Variants in GIPC2 observed in about 807,000 individuals in gnomAD.
GIPC2 encodes the protein GIPC PDZ domain containing family member 2.
A neutral mutation model predicts 30.6 loss-of-function variants in GIPC2; 30 were observed. That is an observed-to-expected ratio of 0.98 (90% CI 0.73 to 1.33). The LOEUF (loss-of-function observed/expected upper bound fraction) is 1.33. GIPC2 is among the 40% of genes most tolerant of loss of function. GIPC2 has a pLI of 0.00. For missense variants in GIPC2, 414 were observed against 390.3 expected (o/e 1.06, Z -0.51); for synonymous variants, 167 against 150.0 (o/e 1.11, Z -0.83).
intron 2 of GIPC2, among the ~76,000 whole-genome samples, chr1:78,092,976 G>A (rs757214964): frequency 6.6e-6 from 1 of 152,240 alleles, no homozygotes; most frequent in African/African-American, 2.4e-5. Flanking sequence ...GTGAGATTCA[G>A]GTGTGTCTTC....
chr1:78,061,333 C>T (rs1402652178), intron 1 of GIPC2, among the ~76,000 whole-genome samples: 2 of 152,160 alleles, frequency 1.3e-5, no homozygotes, highest in African/African-American at 4.8e-5. Flanking sequence ...CACTGCTTGT[C>T]TGAATTGGGA....
chr1:78,098,049 G>T (rs927542334), intron 3 of GIPC2, among the ~76,000 whole-genome samples: 1 of 152,112 alleles, frequency 6.6e-6, no homozygotes, highest in African/African-American at 2.4e-5. Context: ...TTTCTTCTAA[G>T]CTGTTATATC....
At chr1:78,129,664 T>C (rs997969045) in intron 5 of GIPC2, among the ~76,000 whole-genome samples, 1 of 152,202 alleles carries the variant, frequency 6.6e-6, no homozygotes, top group African/African-American at 2.4e-5. Flanking sequence ...AGTGTCAACA[T>C]GGGTCACCTT....
At chr1:78,096,075 T>C (rs1034786116) in intron 3 of GIPC2, among the ~76,000 whole-genome samples, 8 of 152,200 alleles carry the variant, frequency 5.3e-5, no homozygotes, top group African/African-American at 1.9e-4. Context: ...TCTGCACCAT[T>C]TAACAGAAAT....
chr1:78,062,161 A>T (rs1661406012), intron 1 of GIPC2, among the ~76,000 whole-genome samples: 1 of 152,246 alleles, frequency 6.6e-6, no homozygotes, highest in Non-Finnish European at 1.5e-5. Flanking sequence ...AAGTTGAGGA[A>T]ATGATAACTG....
At chr1:78,071,573 CTTTCTTCTTCTTTTG>C (rs1224708950) in intron 1 of GIPC2, among the ~76,000 whole-genome samples, 46 of 146,232 alleles carry the variant, frequency 3.1e-4, no homozygotes, top group Admixed American at 1.7e-3. Context: ...TCTTCTTCTT[CTTTCTTCTTCTTTTG>C]TTTCTTCTTC....
At chr1:78,085,844 TCTAA>T (rs974849276) in intron 2 of GIPC2, among the ~76,000 whole-genome samples, 4 of 151,834 alleles carry the variant, frequency 2.6e-5, no homozygotes, top group Non-Finnish European at 4.4e-5. Context: ...GGCCTGTCTA[TCTAA>T]CTAATTTTTT....
chr1:78,101,106 A>G (rs372103508), intron 3 of GIPC2, among the ~76,000 whole-genome samples: 10 of 152,268 alleles, frequency 6.6e-5, no homozygotes, highest in African/African-American at 2.4e-4. Context: ...TAAAAGGACC[A>G]AAAACAGAGC....
chr1:78,116,424 T>C (rs1289754485), intron 3 of GIPC2, among the ~76,000 whole-genome samples: 3 of 152,228 alleles, frequency 2.0e-5, no homozygotes, highest in Non-Finnish European at 2.9e-5. Context: ...GTTACATATG[T>C]ATACATGTGC....
intron 1 of GIPC2, among the ~76,000 whole-genome samples, chr1:78,058,435 T>A (rs78283397): frequency 6.6e-6 from 1 of 152,172 alleles, no homozygotes; most frequent in Non-Finnish European, 1.5e-5. Flanking sequence ...GATTTTTTTT[T>A]AATTGAAGGA....
intron 2 of GIPC2, among the ~76,000 whole-genome samples, chr1:78,081,270 G>C (rs1011004375): frequency 3.9e-5 from 6 of 152,084 alleles, no homozygotes; most frequent in Non-Finnish European, 8.8e-5. Context: ...ATTTTAGGAA[G>C]TATATAAAGT....
intron 1 of GIPC2, among the ~76,000 whole-genome samples, chr1:78,076,872 G>A (rs933364346): frequency 4.6e-5 from 7 of 152,010 alleles, no homozygotes; most frequent in East Asian, 1.9e-4. Flanking sequence ...GGGTTCAAGC[G>A]ATTCTCCTGC....
chr1:78,108,825 T>C (rs1662408448), intron 3 of GIPC2, among the ~76,000 whole-genome samples: 2 of 152,174 alleles, frequency 1.3e-5, no homozygotes, highest in South Asian at 2.1e-4. Context: ...GGAAGGTCTT[T>C]TCAGATGGGT....
chr1:78,067,205 A>G (rs1370452518), intron 1 of GIPC2, among the ~76,000 whole-genome samples: 1 of 152,090 alleles, frequency 6.6e-6, no homozygotes. Flanking sequence ...TTGAGATCAG[A>G]TGGGGAGGAG....
chr1:78,108,952 T>C (rs1662412985), intron 3 of GIPC2, among the ~76,000 whole-genome samples: 2 of 152,192 alleles, frequency 1.3e-5, no homozygotes, highest in Admixed American at 1.3e-4. Flanking sequence ...CAGCAGTCCA[T>C]GAGTGATGCT....
intron 1 of GIPC2, among the ~76,000 whole-genome samples, chr1:78,057,442 G>T (rs1373230293): frequency 6.6e-6 from 1 of 152,124 alleles, no homozygotes; most frequent in Non-Finnish European, 1.5e-5. Context: ...GTGAGATTTT[G>T]ATATAGGCAT....
chr1:78,047,136 C>T (rs1661108776), intron 1 of GIPC2, among the ~76,000 whole-genome samples: 1 of 152,226 alleles, frequency 6.6e-6, no homozygotes. Context: ...TGACCTAAAG[C>T]ACTAGTTTAT....
chr1:78,087,556 G>A (rs1368879142), intron 2 of GIPC2, among the ~76,000 whole-genome samples: 1 of 152,140 alleles, frequency 6.6e-6, no homozygotes, highest in Non-Finnish European at 1.5e-5. Context: ...AATGATGCTG[G>A]CTAGCCATAT....
intron 2 of GIPC2, among the ~76,000 whole-genome samples, chr1:78,094,024 T>C (rs2100374585): frequency 6.6e-6 from 1 of 152,270 alleles, no homozygotes; most frequent in Non-Finnish European, 1.5e-5. Flanking sequence ...AAAGACCAAC[T>C]TGAAGTTTCT....
Sources: allele counts gnomAD v4.1 joint callset (sites outside exome capture counted in the v4.1 genomes callset), GRCh38; gene constraint gnomAD v4.1.1; transcripts MANE v1.5; gene names NCBI Gene and HGNC (gene_info 2026-07-23, HGNC 2026-07-21).